TMPRSS12: variants seen among roughly 807,000 people sequenced by gnomAD.
The protein encoded by TMPRSS12 is transmembrane protease serine 12.
TMPRSS12 carries 25 observed loss-of-function variants against 26.0 expected under a neutral mutation model. The ratio of observed to expected loss-of-function variants is 0.96; its 90% CI spans 0.70 to 1.34. The LOEUF (loss-of-function observed/expected upper bound fraction) is 1.34. Among genes scored for constraint, TMPRSS12 ranks in the 40% most tolerant of loss-of-function variants. The pLI, the probability that TMPRSS12 is intolerant of heterozygous loss-of-function variation, is 0.00. For synonymous variants in TMPRSS12, 150 were observed against 161.7 expected (o/e 0.93, Z 0.55); for missense variants, 441 against 440.1 (o/e 1.00, Z -0.02).
intron 3 of TMPRSS12, 143 bp from the exon 4 acceptor site, chr12:50,885,103 A>C: frequency 1.5e-6 from 1 of 681,084 alleles, no homozygotes; most frequent in Non-Finnish European, 2.4e-6. Flanking sequence ...AGGCATACAT[A>C]CATATTCATA....
intron 3 of TMPRSS12, among the ~76,000 whole-genome samples, chr12:50,859,453 T>C: frequency 6.6e-6 from 1 of 152,254 alleles, no homozygotes; most frequent in Non-Finnish European, 1.5e-5. Flanking sequence ...CAACCTCAGG[T>C]GATCTGCCCA....
At chr12:50,848,299 T>C (rs1445565562) in intron 2 of TMPRSS12, 1 of 152,192 alleles carries the variant, frequency 6.6e-6, no homozygotes, top group Non-Finnish European at 1.5e-5. Flanking sequence ...CCTCATCGAC[T>C]TCCTGCTGGC....
intron 1 of TMPRSS12, among the ~76,000 whole-genome samples, 161 bp downstream of exon 1, chr12:50,843,312 G>T (rs1937732711): frequency 6.6e-6 from 1 of 152,220 alleles, no homozygotes; most frequent in Admixed American, 6.5e-5. Flanking sequence ...AACAGTAGTT[G>T]TAATAGTGAA....
intron 2 of TMPRSS12, among the ~76,000 whole-genome samples, chr12:50,852,845 C>T (rs547370610): frequency 6.6e-6 from 1 of 152,280 alleles, no homozygotes; most frequent in South Asian, 2.1e-4. Flanking sequence ...TATTGGAGAC[C>T]TATGAAGAGA....
intron 2 of TMPRSS12, among the ~76,000 whole-genome samples, chr12:50,850,422 T>A (rs1024827854): frequency 1.3e-5 from 2 of 152,018 alleles, no homozygotes; most frequent in Admixed American, 6.6e-5. Flanking sequence ...CTACAAAAAA[T>A]TTTAAAAATT....
At chr12:50,871,068 T>C (rs1938037994) in intron 3 of TMPRSS12, among the ~76,000 whole-genome samples, 1 of 152,032 alleles carries the variant, frequency 6.6e-6, no homozygotes. Flanking sequence ...AATACCACCA[T>C]CATTCTTCAA....
intron 3 of TMPRSS12, among the ~76,000 whole-genome samples, chr12:50,879,210 T>C (rs1230172087): frequency 6.6e-6 from 1 of 152,184 alleles, no homozygotes; most frequent in Non-Finnish European, 1.5e-5. Flanking sequence ...GCAAGACTTC[T>C]AGAAAAAAGC....
At chr12:50,867,789 C>T (rs58815466) in intron 3 of TMPRSS12, among the ~76,000 whole-genome samples, 1 of 152,026 alleles carries the variant, frequency 6.6e-6, no homozygotes, top group East Asian at 1.9e-4. Flanking sequence ...AGCAGGAACC[C>T]TACAAGCTAG....
intron 3 of TMPRSS12, among the ~76,000 whole-genome samples, chr12:50,868,509 T>C (rs190517298): frequency 3.3e-5 from 5 of 152,278 alleles, no homozygotes; most frequent in African/African-American, 1.2e-4. Context: ...CAATTACTAA[T>C]AGACCTAAGG....
intron 3 of TMPRSS12, among the ~76,000 whole-genome samples, chr12:50,867,076 T>C (rs1241499407): frequency 6.6e-6 from 1 of 152,114 alleles, no homozygotes; most frequent in Non-Finnish European, 1.5e-5. Context: ...ACAAGGCTCT[T>C]TAACACTCCC....
chr12:50,850,176 G>C (rs1937812251), intron 2 of TMPRSS12, among the ~76,000 whole-genome samples: 1 of 152,158 alleles, frequency 6.6e-6, no homozygotes, highest in African/African-American at 2.4e-5. Flanking sequence ...AGTATTGGAG[G>C]TGGGGCCTGG....
intron 3 of TMPRSS12, among the ~76,000 whole-genome samples, chr12:50,859,267 G>A (rs1937912753): frequency 1.3e-5 from 2 of 151,364 alleles, no homozygotes; most frequent in Admixed American, 1.3e-4. Flanking sequence ...CCAGGATGGA[G>A]TGCAGTGGCA....
intron 2 of TMPRSS12, among the ~76,000 whole-genome samples, chr12:50,855,093 C>G (rs1937862948): frequency 6.6e-6 from 1 of 152,046 alleles, no homozygotes; most frequent in African/African-American, 2.4e-5. Flanking sequence ...TAAAACAGCA[C>G]AGTACTGGTA....
intron 1 of TMPRSS12, 148 bp downstream of exon 1, chr12:50,843,299 A>G: frequency 1.4e-6 from 1 of 700,834 alleles, no homozygotes; most frequent in Non-Finnish European, 2.2e-6. Context: ...GACCGGCTGT[A>G]ATAACAGTAG....
At chr12:50,876,102 C>A (rs1048444532) in intron 3 of TMPRSS12, among the ~76,000 whole-genome samples, 1 of 152,104 alleles carries the variant, frequency 6.6e-6, no homozygotes, top group African/African-American at 2.4e-5. Flanking sequence ...AAGACATGAA[C>A]AGATACTTCT....
At chr12:50,845,505 A>G (rs547098763) in intron 2 of TMPRSS12, among the ~76,000 whole-genome samples, 3 of 152,336 alleles carry the variant, frequency 2.0e-5, no homozygotes, top group East Asian at 3.9e-4. Context: ...CTGATGAGTC[A>G]TATTTCCAGC....
At chr12:50,847,057 C>CTT (rs547352999) in intron 2 of TMPRSS12, among the ~76,000 whole-genome samples, 25,614 of 109,672 alleles carry the variant, frequency 0.23, 4,377 homozygotes, top group East Asian at 0.43. Context: ...AGTCTAAAAA[C>CTT]TTTTTTTTTT....
intron 3 of TMPRSS12, among the ~76,000 whole-genome samples, chr12:50,880,966 C>CTTTTTTTTTTTTTT (rs869152225): frequency 2.3e-4 from 14 of 61,800 alleles, no homozygotes; most frequent in East Asian, 5.7e-4. Flanking sequence ...TCAGTAATTT[C>CTTTTTTTTTTTTTT]TTTTTTTTTT....
At position 50,844,049 on chromosome 12, in the gene TMPRSS12, G is replaced by T; in HGVS notation, c.383+12G>T. On this transcript the variant is annotated intron_variant, in intron 2 of 4. Transcript: ENST00000398458. ...ACTAAAGACGCTAGGTACGTATTCA[G>T]AACACAACTATTTTTATGCTCTTAG... 1 of 1,515,208 alleles carries T rather than the reference G, an allele frequency of 6.6e-7. No individual in the cohort carries two copies. The highest frequency in any genetic ancestry group is 1.3e-5 in the South Asian group (1 of 74,874). 93.9% of individuals were successfully genotyped at this position (1,515,208 alleles called of 1,614,324 possible).
Sources: gnomAD v4.1 joint callset for allele counts (sites outside exome capture counted in the v4.1 genomes callset) on GRCh38, gnomAD v4.1.1 for gene constraint, MANE v1.5 for transcripts, NCBI Gene and HGNC (gene_info 2026-07-23, HGNC 2026-07-21) for gene names.